Variants in UNC13C observed in about 807,000 individuals in gnomAD.
The protein encoded by UNC13C is protein unc-13 homolog C.
A neutral mutation model predicts 245.4 loss-of-function variants in UNC13C; 174 were observed. The ratio of observed to expected loss-of-function variants is 0.71; its 90% confidence interval spans 0.63 to 0.80. UNC13C has a LOEUF of 0.80. UNC13C is among the 30% of genes least tolerant of loss of function. UNC13C has a pLI of 0.00. For synonymous variants in UNC13C, 992 were observed against 895.1 expected, an observed-to-expected ratio of 1.11 and a Z score of -1.93; for missense variants, 2,829 against 2,602.9, an observed-to-expected ratio of 1.09 and a Z score of -1.89.
At chr15:54,348,509 C>G (rs770763641) in intron 17 of UNC13C, among the ~76,000 whole-genome samples, 1 of 152,042 alleles carries the variant, frequency 6.6e-6, no homozygotes, top group Admixed American at 6.5e-5. Flanking sequence ...CAAAAAACAT[C>G]TCTTTGTATT....
At chr15:54,235,209 C>T in intron 5 of UNC13C, 101 bp downstream of exon 5, 2 of 974,936 alleles carry the variant, frequency 2.1e-6, no homozygotes, top group East Asian at 2.6e-5. Flanking sequence ...GTAAATATTC[C>T]ATGGAATAAA....
chr15:54,500,647 C>A (rs908301233), intron 21 of UNC13C, among the ~76,000 whole-genome samples, 188 bp from the exon 22 acceptor site: 1 of 152,046 alleles, frequency 6.6e-6, no homozygotes, highest in African/African-American at 2.4e-5. Context: ...GTAGCTTGCC[C>A]CATGATATTA....
At position 54,294,067 on chromosome 15, in the gene UNC13C, G is replaced by T; in HGVS notation, c.3988+3G>T. ...AATGGATGTCTGGTACAACTTAGGTGATTTTTTTTTTTATCTACTTGAAAA... is the reference window on the plus strand; with the variant it reads ...AATGGATGTCTGGTACAACTTAGGTTATTTTTTTTTTTATCTACTTGAAAA... On this transcript the variant is annotated splice_donor_region_variant and intron_variant, in intron 11 of 32. Coordinates refer to ENST00000260323, the MANE Select transcript of UNC13C (RefSeq NM_001080534.3). 2 of 1,514,088 alleles carry T rather than the reference G, an allele frequency of 1.3e-6. No individual in the cohort carries two copies. The highest frequency in any genetic ancestry group is 8.8e-7 in the Non-Finnish European group (1 of 1,136,744). 93.8% of individuals were successfully genotyped at this position (1,514,088 alleles called of 1,614,324 possible).
intron 17 of UNC13C, among the ~76,000 whole-genome samples, chr15:54,349,916 G>A (rs773129696): frequency 4.1e-4 from 63 of 152,268 alleles, no homozygotes; most frequent in Admixed American, 6.5e-4. Context: ...TAGTAACATG[G>A]ATAAAAAGTA....
intron 2 of UNC13C, among the ~76,000 whole-genome samples, chr15:54,094,693 C>G (rs951551118): frequency 3.2e-4 from 48 of 152,126 alleles, no homozygotes; most frequent in African/African-American, 1.1e-3. Flanking sequence ...CTTAGTTCAT[C>G]AATTAAAGCG....
chr15:54,525,150 T>A (rs928140509), intron 24 of UNC13C, among the ~76,000 whole-genome samples: 4 of 152,134 alleles, frequency 2.6e-5, no homozygotes, highest in Non-Finnish European at 5.9e-5. Flanking sequence ...GCCTATTTAT[T>A]TACAGGGATA....
chr15:54,154,100 G>T (rs1375506314), intron 4 of UNC13C, among the ~76,000 whole-genome samples: 1 of 151,710 alleles, frequency 6.6e-6, no homozygotes, highest in African/African-American at 2.4e-5. Flanking sequence ...ATATATTGTT[G>T]TAGTCACTCA....
chr15:54,447,858 G>A (rs1029595524), intron 19 of UNC13C, among the ~76,000 whole-genome samples: 2 of 152,080 alleles, frequency 1.3e-5, no homozygotes, highest in African/African-American at 4.8e-5. Flanking sequence ...TCTTTTAATT[G>A]TGATGTTAGG....
chr15:54,065,408 T>A (rs1898030439), intron 2 of UNC13C, among the ~76,000 whole-genome samples: 1 of 152,162 alleles, frequency 6.6e-6, no homozygotes, highest in Non-Finnish European at 1.5e-5. Flanking sequence ...CCCTTTTATA[T>A]CTCCTGTTAG....
chr15:53,879,945 GTGTGTGTT>G, the UNC13C span, among the ~76,000 whole-genome samples: 1,950 of 134,524 alleles, frequency 0.014, 54 homozygotes, highest in East Asian at 0.12. Context: ...CATGCTGCGT[GTGTGTGTT>G]TGTGTGTGTG....
intron 17 of UNC13C, among the ~76,000 whole-genome samples, chr15:54,354,732 G>C (rs2039055801): frequency 6.6e-6 from 1 of 152,114 alleles, no homozygotes; most frequent in Non-Finnish European, 1.5e-5. Flanking sequence ...CAACTTTACT[G>C]TTACTCAAAG....
the UNC13C span, among the ~76,000 whole-genome samples, chr15:53,945,012 T>G: frequency 6.6e-6 from 1 of 152,190 alleles, no homozygotes; most frequent in Admixed American, 6.5e-5. Flanking sequence ...CTGTAATGAT[T>G]GGTGATATTG....
chr15:54,424,339 C>T (rs1343399708), intron 19 of UNC13C, among the ~76,000 whole-genome samples: 8 of 151,976 alleles, frequency 5.3e-5, no homozygotes, highest in Admixed American at 1.3e-4. Flanking sequence ...TAGCAGTTGG[C>T]ATGAAATCAG....
chr15:54,438,375 C>T (rs979693227), intron 19 of UNC13C, among the ~76,000 whole-genome samples: 6 of 151,964 alleles, frequency 3.9e-5, no homozygotes, highest in Non-Finnish European at 8.8e-5. Flanking sequence ...TCCATGTCTA[C>T]AAGAGAGCTG....
Position 54,293,986 on chromosome 15 carries a change from G to A in UNC13C, c.3910G>A (p.Glu1304Lys), listed in dbSNP as rs2037367368. The change falls in exon 11 of 33, where the codon GAG becomes AAG. Residue 1304 changes from glutamate (E) to lysine (K), a missense_variant. Glu to Lys is a moderately conservative substitution (Grantham distance 56). Coordinates refer to ENST00000260323, the MANE Select transcript of UNC13C (RefSeq NM_001080534.3). ...CAGAGTCAAGCAACATTTCAAAAAG[G>A]AGTCAGATGATTTTCTGGGACAAAC... The part of the protein sequence containing the change: ...KSRVKQHFKK[E>K]SDDFLGQTIV... 1.5e-5 allele frequency: 24 copies of A among 1,597,392 alleles called. No individual in the cohort carries two copies. The highest frequency in any genetic ancestry group is 1.5e-5 in the Non-Finnish European group (18 of 1,172,614).
At chr15:54,280,959 G>A (rs1026985540) in intron 10 of UNC13C, among the ~76,000 whole-genome samples, 20 of 151,618 alleles carry the variant, frequency 1.3e-4, no homozygotes, top group African/African-American at 2.9e-4. Flanking sequence ...CACGATGCTC[G>A]GGAAATTTTT....
At chr15:53,862,179 G>A in the UNC13C span, among the ~76,000 whole-genome samples, 2 of 152,036 alleles carry the variant, frequency 1.3e-5, no homozygotes, top group Non-Finnish European at 2.9e-5. Context: ...CTTGCTATGT[G>A]CTCATTTTCC....
At chr15:54,474,609 G>A (rs139375054) in intron 19 of UNC13C, among the ~76,000 whole-genome samples, 1 of 152,022 alleles carries the variant, frequency 6.6e-6, no homozygotes, top group Non-Finnish European at 1.5e-5. Flanking sequence ...TGAATAGTTT[G>A]CAAATGTTTT....
chr15:54,502,409 C>A (rs1405743012), intron 22 of UNC13C, among the ~76,000 whole-genome samples: 1 of 152,088 alleles, frequency 6.6e-6, no homozygotes, highest in African/African-American at 2.4e-5. Context: ...CTGATCTCAT[C>A]TTCATTAATT....
Sources: allele counts gnomAD v4.1 joint callset (sites outside exome capture counted in the v4.1 genomes callset), GRCh38; gene constraint gnomAD v4.1.1; transcripts MANE v1.5; gene names NCBI Gene and HGNC (gene_info 2026-07-23, HGNC 2026-07-21).